The following RAPGEF6 variants were observed in gnomAD, a reference collection of about 807,000 sequenced individuals.
The protein encoded by RAPGEF6 is PDZ domain containing guanine nucleotide exchange factor (GEF) 2.
In RAPGEF6, 56 loss-of-function variants were observed where a neutral mutation model predicts 171.4. The observed-to-expected ratio is 0.33, with a 90% confidence interval of 0.26 to 0.41. The LOEUF is 0.41. Ranked by LOEUF, RAPGEF6 falls within the 10% of genes least tolerant of loss-of-function variation. RAPGEF6 has a pLI of 1.00. For missense variants in RAPGEF6, 1,674 were observed against 1,921.4 expected (o/e 0.87, Z 2.41); for synonymous variants, 692 against 650.1 (o/e 1.06, Z -0.98).
At chr5:131,529,589 C>T (rs1759227477) in intron 6 of RAPGEF6, among the ~76,000 whole-genome samples, 2 of 151,292 alleles carry the variant, frequency 1.3e-5, no homozygotes, top group African/African-American at 4.9e-5. Flanking sequence ...CAGGGCAAAA[C>T]TTCATGGCAT....
chr5:131,538,574 C>T (rs1006209250), intron 6 of RAPGEF6, among the ~76,000 whole-genome samples: 1 of 152,118 alleles, frequency 6.6e-6, no homozygotes, highest in Non-Finnish European at 1.5e-5. Flanking sequence ...AAAAATACTA[C>T]ACCATTTTAT....
chr5:131,554,907 A>G (rs1379776800), intron 5 of RAPGEF6, among the ~76,000 whole-genome samples: 1 of 152,176 alleles, frequency 6.6e-6, no homozygotes, highest in Non-Finnish European at 1.5e-5. Flanking sequence ...GAGAGGAAGG[A>G]AAAAAGAACT....
rs1346256426 is a variant in RAPGEF6 at position 131,424,890 on chromosome 5, A to T, written c.*2376T>A. On this transcript the variant is annotated 3_prime_UTR_variant, in exon 28 of 28. Transcript: ENST00000509018. ...GCACTAGTCTCTTCATTAAGATTAT[A>T]AATTTATAAAACAAAAACAAATGGA... 2 of 152,362 alleles carry T rather than the reference A, an allele frequency of 1.3e-5. No individual in the cohort carries two copies. The highest frequency in any genetic ancestry group is 4.8e-5 in the African/African-American group (2 of 41,472). 9.4% of individuals were successfully genotyped at this position (152,362 alleles called of 1,614,324 possible).
At position 131,510,506 on chromosome 5, in the gene RAPGEF6, C is replaced by T; in HGVS notation, c.628-15G>A. 2 of 1,605,846 alleles carry T rather than the reference C, an allele frequency of 1.2e-6. No individual in the cohort carries two copies. Among genetic ancestry groups the T allele is most frequent in the East Asian group, 4.5e-5 (2 of 44,832 alleles). On this transcript the variant is annotated splice_polypyrimidine_tract_variant and intron_variant, in intron 7 of 27. Transcript: ENST00000509018. ...CTCTCCGTAGCCTATGAAAAGAAAT[C>T]TTGATCACTTACCATTTCATGTAAA...
chr5:131,438,681 T>C (rs1327275169), intron 24 of RAPGEF6, among the ~76,000 whole-genome samples: 1 of 152,226 alleles, frequency 6.6e-6, no homozygotes, highest in Non-Finnish European at 1.5e-5. Context: ...AAATGGCATC[T>C]GCTGCACACT....
At chr5:131,463,332 A>G (rs1754069369) in intron 18 of RAPGEF6, among the ~76,000 whole-genome samples, 1 of 152,184 alleles carries the variant, frequency 6.6e-6, no homozygotes, top group African/African-American at 2.4e-5. Context: ...TAATGCCAGC[A>G]CTTTGGGAGG....
intron 1 of RAPGEF6, among the ~76,000 whole-genome samples, chr5:131,623,961 A>T (rs751219821): frequency 6.6e-6 from 1 of 152,204 alleles, no homozygotes; most frequent in African/African-American, 2.4e-5. Flanking sequence ...CGGTGGAAGA[A>T]GGCGCAAAGT....
intron 6 of RAPGEF6, among the ~76,000 whole-genome samples, chr5:131,528,151 AATAT>A (rs1304641374): frequency 2.9e-4 from 13 of 45,440 alleles, no homozygotes; most frequent in African/African-American, 1.4e-3. Context: ...TACTATATAT[AATAT>A]AAAATATATA....
At chr5:131,606,029 C>CAAAA (rs1168486376) in intron 1 of RAPGEF6, among the ~76,000 whole-genome samples, 178 of 70,498 alleles carry the variant, frequency 2.5e-3, no homozygotes, top group African/African-American at 9.5e-3. Flanking sequence ...GACTCCATCT[C>CAAAA]AAAAAAAAAA....
chr5:131,439,154 T>G lies in RAPGEF6; in HGVS notation c.3745+427A>C, dbSNP rs1452415845. Among the ~76,000 whole-genome samples the G allele has an allele frequency of 2.0e-5, 3 of 152,160 alleles. No individual in the cohort carries two copies. The East Asian group carries it at 5.8e-4, about 29-fold the overall frequency. ...CTGGTCTCCAACTCCTGGGCTCAAGTGATCCACCCGCCTCAGCTTCCCAAA... is the reference window on the plus strand; with the variant it reads ...CTGGTCTCCAACTCCTGGGCTCAAGGGATCCACCCGCCTCAGCTTCCCAAA... On this transcript the variant is annotated intron_variant, in intron 24 of 27. Transcript: ENST00000509018.
chr5:131,591,909 G>A (rs1763613860), intron 4 of RAPGEF6, among the ~76,000 whole-genome samples: 1 of 152,214 alleles, frequency 6.6e-6, no homozygotes, highest in South Asian at 2.1e-4. Context: ...CCAGGCTGGA[G>A]TGTAATGGCG....
At chr5:131,428,366 T>C (rs187653363) in intron 27 of RAPGEF6, among the ~76,000 whole-genome samples, 6 of 152,330 alleles carry the variant, frequency 3.9e-5, no homozygotes, top group Non-Finnish European at 8.8e-5. Context: ...TGAGTCATTA[T>C]TGTGCCACTG....
intron 24 of RAPGEF6, among the ~76,000 whole-genome samples, chr5:131,438,281 C>G (rs1414720512): frequency 6.6e-6 from 1 of 152,176 alleles, no homozygotes; most frequent in African/African-American, 2.4e-5. Context: ...GAGAGGAAAC[C>G]TGACCGTATA....
intron 15 of RAPGEF6, among the ~76,000 whole-genome samples, chr5:131,481,317 C>G (rs1230213671): frequency 6.6e-6 from 1 of 151,940 alleles, no homozygotes; most frequent in Non-Finnish European, 1.5e-5. Context: ...CCTGGACCTC[C>G]CTAAGCTCAG....
chr5:131,587,156 A>G (rs939775068), intron 4 of RAPGEF6, among the ~76,000 whole-genome samples: 1 of 152,208 alleles, frequency 6.6e-6, no homozygotes, highest in African/African-American at 2.4e-5. Flanking sequence ...CTGTGAGCCT[A>G]GTATTTCATG....
intron 4 of RAPGEF6, among the ~76,000 whole-genome samples, chr5:131,569,796 T>C (rs1192371333): frequency 6.6e-6 from 1 of 152,024 alleles, no homozygotes; most frequent in African/African-American, 2.4e-5. Context: ...ATCCCAGCAC[T>C]TTGGGAGGCT....
intron 19 of RAPGEF6, among the ~76,000 whole-genome samples, chr5:131,456,840 T>C (rs1419590573): frequency 6.6e-6 from 1 of 152,142 alleles, no homozygotes; most frequent in Non-Finnish European, 1.5e-5. Flanking sequence ...CCCAAACCAC[T>C]GTAAGAAGGA....
intron 24 of RAPGEF6, among the ~76,000 whole-genome samples, chr5:131,436,828 T>C (rs1448981923): frequency 2.8e-4 from 42 of 152,202 alleles, no homozygotes; most frequent in Admixed American, 2.7e-3. Flanking sequence ...GGTATATTTA[T>C]AACGTTCATT....
chr5:131,445,873 A>G (rs997786381), intron 22 of RAPGEF6, among the ~76,000 whole-genome samples: 2 of 152,130 alleles, frequency 1.3e-5, no homozygotes, highest in Non-Finnish European at 2.9e-5. Flanking sequence ...TTATTTTGTT[A>G]TAACAGTATA....
Sources: allele counts gnomAD v4.1 joint callset (sites outside exome capture counted in the v4.1 genomes callset), GRCh38; gene constraint gnomAD v4.1.1; transcripts MANE v1.5; gene names NCBI Gene and HGNC (gene_info 2026-07-23, HGNC 2026-07-21).